Variants in TGFB2 observed in about 807,000 individuals in gnomAD.
TGFB2 encodes transforming growth factor beta 2, also known as transforming growth factor beta-2 proprotein.
In TGFB2, 13 loss-of-function variants were observed where a neutral mutation model predicts 42.7. That is an observed-to-expected ratio of 0.30 (90% CI 0.20 to 0.48). TGFB2 has a LOEUF of 0.48. TGFB2 is among the 20% of genes least tolerant of loss of function. The pLI, the probability that TGFB2 is intolerant of heterozygous loss-of-function variation, is 0.99. For missense variants in TGFB2, 390 were observed against 517.5 expected, an observed-to-expected ratio of 0.75 and a Z score of 2.39; for synonymous variants, 193 against 193.6, an observed-to-expected ratio of 1.00 and a Z score of 0.03.
At chr1:218,425,829 T>A (rs1369987206) in intron 2 of TGFB2, among the ~76,000 whole-genome samples, 3 of 152,190 alleles carry the variant, frequency 2.0e-5, no homozygotes, top group African/African-American at 7.2e-5. Flanking sequence ...GCAGATGGTT[T>A]CAAAGTGCCT....
rs114247571 is a variant in TGFB2 at position 218,353,906 on chromosome 1, A to T, written c.346+6859A>T. Among the ~76,000 whole-genome samples the T allele has an allele frequency of 8.4e-3, 1,284 of 152,310 alleles. 18 individuals are homozygous for T. The highest frequency in any genetic ancestry group is 0.029 in the African/African-American group (1,186 of 41,556). On this transcript the variant is annotated intron_variant, in intron 1 of 6. Transcript: ENST00000366930. ...CCCTGTCTCTAAACATAACAAAATAAAACAAAATATTTCTGGGCTTAGTCA... is the reference window on the plus strand; with the variant it reads ...CCCTGTCTCTAAACATAACAAAATATAACAAAATATTTCTGGGCTTAGTCA...
chr1:218,380,718 G>C (rs921988914), intron 1 of TGFB2, among the ~76,000 whole-genome samples: 4 of 152,088 alleles, frequency 2.6e-5, no homozygotes, highest in African/African-American at 9.7e-5. Context: ...GAATAGAGTG[G>C]GGGTGGGTCA....
At chr1:218,374,871 C>T (rs1323989324) in intron 1 of TGFB2, among the ~76,000 whole-genome samples, 1 of 152,142 alleles carries the variant, frequency 6.6e-6, no homozygotes, top group African/African-American at 2.4e-5. Context: ...GTTCTTGGGT[C>T]TGTAGCCAGA....
intron 1 of TGFB2, among the ~76,000 whole-genome samples, chr1:218,361,484 A>G (rs1657208428): frequency 6.6e-6 from 1 of 152,176 alleles, no homozygotes; most frequent in African/African-American, 2.4e-5. Flanking sequence ...ATTCTGTTTA[A>G]TAGAATTGTC....
chr1:218,380,192 G>C lies in TGFB2; in HGVS notation c.347-24977G>C, dbSNP rs191340150. 1.9e-3 allele frequency among the ~76,000 whole-genome samples: 285 copies of C among 152,318 alleles called. 1 individual carries two copies. The highest frequency in any genetic ancestry group is 6.6e-3 in the African/African-American group (273 of 41,564). On this transcript the variant is annotated intron_variant, in intron 1 of 6. Transcript: ENST00000366930. The stretch of plus-strand genomic sequence containing the variant: ...TCACTCGCATTCATTGGAAGCTCAA[G>C]TCGGTGACCAATCATGTGTCCCTAA...
intron 1 of TGFB2, among the ~76,000 whole-genome samples, chr1:218,377,750 C>G (rs1657791598): frequency 6.6e-6 from 1 of 151,768 alleles, no homozygotes; most frequent in East Asian, 1.9e-4. Context: ...AGAAACTCTG[C>G]CCAGTTTCAT....
intron 1 of TGFB2, among the ~76,000 whole-genome samples, chr1:218,366,752 C>T (rs1444478018): frequency 6.6e-6 from 1 of 152,192 alleles, no homozygotes; most frequent in Non-Finnish European, 1.5e-5. Flanking sequence ...TAAACAGGCA[C>T]TGCAGGTGCT....
At chr1:218,390,633 A>G (rs894560877) in intron 1 of TGFB2, among the ~76,000 whole-genome samples, 1 of 152,248 alleles carries the variant, frequency 6.6e-6, no homozygotes. Flanking sequence ...GCCAGGGTCT[A>G]GTTCTGCAAT....
At chr1:218,394,151 C>T (rs989946523) in intron 1 of TGFB2, among the ~76,000 whole-genome samples, 2 of 152,110 alleles carry the variant, frequency 1.3e-5, no homozygotes, top group Non-Finnish European at 2.9e-5. Context: ...CCTCGTGATC[C>T]GCCCGCCTCG....
chr1:218,347,139 C>A, intron 1 of TGFB2, 92 bp downstream of exon 1: 2 of 1,233,920 alleles, frequency 1.6e-6, no homozygotes, highest in South Asian at 1.4e-5. Flanking sequence ...CCTTCCCTCT[C>A]GCGGTTCCCG....
chr1:218,363,450 G>C (rs1327573158), intron 1 of TGFB2: 3 of 1,586,844 alleles, frequency 1.9e-6, no homozygotes, highest in East Asian at 4.5e-5. Context: ...TTCCTCGTTT[G>C]ACATAGTTAT....
At chr1:218,360,434 G>A (rs1359411960) in intron 1 of TGFB2, among the ~76,000 whole-genome samples, 1 of 152,110 alleles carries the variant, frequency 6.6e-6, no homozygotes, top group Non-Finnish European at 1.5e-5. Flanking sequence ...ATAAATTAGT[G>A]AGTGCCTGCG....
intron 1 of TGFB2, among the ~76,000 whole-genome samples, chr1:218,353,904 TA>T (rs1196847752): frequency 6.6e-6 from 1 of 152,156 alleles, no homozygotes; most frequent in African/African-American, 2.4e-5. Flanking sequence ...CATAACAAAA[TA>T]AAACAAAATA....
At chr1:218,384,726 G>A (rs1453871313) in intron 1 of TGFB2, among the ~76,000 whole-genome samples, 1 of 152,184 alleles carries the variant, frequency 6.6e-6, no homozygotes, top group South Asian at 2.1e-4. Flanking sequence ...AAACTCAGGG[G>A]CTATGGACAG....
intron 2 of TGFB2, among the ~76,000 whole-genome samples, chr1:218,431,822 G>A (rs1229668739): frequency 6.6e-6 from 1 of 152,108 alleles, no homozygotes; most frequent in African/African-American, 2.4e-5. Context: ...TTCCATAGTA[G>A]GTTAATTATA....
At chr1:218,367,831 T>C (rs1284866519) in intron 1 of TGFB2, among the ~76,000 whole-genome samples, 1 of 152,166 alleles carries the variant, frequency 6.6e-6, no homozygotes, top group African/African-American at 2.4e-5. Context: ...GGAGTCTCGC[T>C]CCTCGCTCTG....
At chr1:218,389,203 AG>A (rs1405500192) in intron 1 of TGFB2, among the ~76,000 whole-genome samples, 1 of 152,226 alleles carries the variant, frequency 6.6e-6, no homozygotes, top group Non-Finnish European at 1.5e-5. Flanking sequence ...GAAGACCTAA[AG>A]GATTGGGATT....
intron 1 of TGFB2, among the ~76,000 whole-genome samples, chr1:218,380,717 G>A (rs182081545): frequency 9.2e-5 from 14 of 152,172 alleles, no homozygotes; most frequent in Non-Finnish European, 1.3e-4. Context: ...TGAATAGAGT[G>A]GGGGTGGGTC....
intron 2 of TGFB2, among the ~76,000 whole-genome samples, chr1:218,425,837 C>A (rs990601786): frequency 6.6e-6 from 1 of 152,256 alleles, no homozygotes; most frequent in East Asian, 1.9e-4. Context: ...TTTCAAAGTG[C>A]CTTGCCAATG....
Sources: allele counts gnomAD v4.1 joint callset (sites outside exome capture counted in the v4.1 genomes callset), GRCh38; gene constraint gnomAD v4.1.1; transcripts MANE v1.5; gene names NCBI Gene and HGNC (gene_info 2026-07-23, HGNC 2026-07-21).